Variants in PUM3 observed in about 807,000 individuals in gnomAD.
PUM3 encodes the protein pumilio RNA binding family member 3, also known as pumilio homolog 3.
A neutral mutation model predicts 84.0 loss-of-function variants in PUM3; 91 were observed. That is an observed-to-expected ratio of 1.08 (90% CI 0.91 to 1.29). The LOEUF (loss-of-function observed/expected upper bound fraction) is 1.29, where lower values mean the gene tolerates loss of function less well. Ranked by LOEUF, PUM3 falls within the 50% of genes most tolerant of loss-of-function variation. The pLI is 0.00. For missense variants in PUM3, 1,067 were observed against 767.5 expected (o/e 1.39, Z -4.61); for synonymous variants, 321 against 266.7 (o/e 1.20, Z -1.98).
At position 2,804,347 on chromosome 9, in the gene PUM3, T is replaced by G; in HGVS notation, c.1931A>C (p.Glu644Ala). The G allele has an allele frequency of 6.2e-7, 1 of 1,613,748 alleles. No individual in the cohort carries two copies. Among genetic ancestry groups the G allele is most frequent in the Non-Finnish European group, 8.5e-7 (1 of 1,179,928 alleles). ...STSKGIEILL[E>A]KLST ...TCTTTCCACCTATGTGCTCAGTTTT[T>G]CAAGTAGAATTTCTATTCCTTTGCT... Residue 644 changes from glutamate (E) to alanine (A), a missense_variant, in exon 18 of 18, where the codon GAA (glutamate) becomes GCA (alanine). Physicochemically the swap from Glu to Ala is moderately radical, Grantham distance 107. Transcript: ENST00000397885.
At position 2,825,391 on chromosome 9, in the gene PUM3, C is replaced by A. The variant is rs186823025; in HGVS notation, c.1036-576G>T. ...GACTAAGACCTCACCTATAAAATGA[C>A]CCTTTAGTAAAAAACATTTAATTTC... On this transcript the variant is annotated intron_variant, in intron 10 of 17. Coordinates refer to ENST00000397885, the MANE Select transcript of PUM3 (RefSeq NM_014878.5). Among the ~76,000 whole-genome samples, 5 of 152,300 alleles carry A rather than the reference C, an allele frequency of 3.3e-5. No individual in the cohort carries two copies. In the East Asian group the frequency reaches 7.7e-4, roughly 23 times the overall value.
chr9:2,811,106 T>C (rs1821359072), intron 15 of PUM3, among the ~76,000 whole-genome samples: 1 of 152,236 alleles, frequency 6.6e-6, no homozygotes, highest in South Asian at 2.1e-4. Flanking sequence ...CAGAAGCACC[T>C]TGGGCACTCA....
chr9:2,822,245 T>C (rs1815664496), intron 12 of PUM3, among the ~76,000 whole-genome samples: 1 of 152,174 alleles, frequency 6.6e-6, no homozygotes, highest in South Asian at 2.1e-4. Context: ...ATGAACACTG[T>C]CAACTACTTT....
chr9:2,828,750 A>T lies in PUM3; in HGVS notation c.881T>A (p.Val294Glu). Residue 294 changes from valine (V) to glutamate (E), a missense_variant, in exon 9 of 18, where the codon GTG (valine) becomes GAG (glutamate). Physicochemically the swap from Val to Glu is moderately radical, Grantham distance 121. Transcript: ENST00000397885. Reference protein sequence around the residue: ...KSADHRTLDKVLEVQPEKLEL... With the variant: ...KSADHRTLDKELEVQPEKLEL... ...TAATTTTTCTGGCTGTACCTCTAAC[A>T]CTTTGTCCAGAGTTCGGTGATCTGC... 6.2e-7 allele frequency: 1 copy of T among 1,606,030 alleles called. No individual in the cohort carries two copies. The highest frequency in any genetic ancestry group is 2.2e-5 in the East Asian group (1 of 44,810).
At chr9:2,827,255 G>C (rs981282078) in intron 9 of PUM3, 104 bp from the exon 10 acceptor site, 6 of 706,258 alleles carry the variant, frequency 8.5e-6, no homozygotes, top group Non-Finnish European at 1.4e-5. Context: ...CAAGTGAAAT[G>C]GTTTTACTGA....
chr9:2,817,201 T>C (rs1821487024), intron 13 of PUM3, among the ~76,000 whole-genome samples: 1 of 152,170 alleles, frequency 6.6e-6, no homozygotes, highest in Non-Finnish European at 1.5e-5. Flanking sequence ...TAAACATCCA[T>C]CACCAGGAAA....
intron 12 of PUM3, 103 bp from the exon 13 acceptor site, chr9:2,820,201 CAA>C (rs58442595): frequency 0.055 from 8,136 of 147,766 alleles, no homozygotes; most frequent in East Asian, 0.079. Flanking sequence ...AGACTCCGCT[CAA>C]AAAAAAAAAA....
chr9:2,840,895 C>T (rs1472259698), intron 1 of PUM3, among the ~76,000 whole-genome samples: 14 of 152,236 alleles, frequency 9.2e-5, no homozygotes, highest in African/African-American at 2.4e-4. Context: ...GAGTGCTAGG[C>T]GCACTTGTTG....
intron 3 of PUM3, among the ~76,000 whole-genome samples, chr9:2,834,379 T>C (rs1456430112): frequency 6.6e-6 from 1 of 152,208 alleles, no homozygotes; most frequent in African/African-American, 2.4e-5. Flanking sequence ...TCATTAATTC[T>C]TCTAACAGGA....
At chr9:2,837,543 A>C (rs1018974533) in intron 2 of PUM3, 142 bp from the exon 3 acceptor site, 2 of 605,614 alleles carry the variant, frequency 3.3e-6, no homozygotes, top group Admixed American at 3.3e-5. Flanking sequence ...TAGCCTTTTG[A>C]GTAGAACTGG....
Position 2,823,841 on chromosome 9 carries a change from A to G in PUM3, c.1135-7T>C. On this transcript the variant is annotated splice_region_variant and splice_polypyrimidine_tract_variant and intron_variant, in intron 11 of 17. Coordinates refer to ENST00000397885, the MANE Select transcript of PUM3 (RefSeq NM_014878.5). Reference sequence around the variant, plus strand: ...TCACAATCACTTTCCTGTCCTTAAAAAGGAAAGATTGTCTCACTGAATTTT... The same window carrying G: ...TCACAATCACTTTCCTGTCCTTAAAGAGGAAAGATTGTCTCACTGAATTTT... 1 of 1,504,170 alleles carries G rather than the reference A, an allele frequency of 6.6e-7. No homozygotes were observed. Among genetic ancestry groups the G allele is most frequent in the South Asian group, 1.3e-5 (1 of 78,872 alleles). The allele number at this position is 1,504,170 out of a possible 1,614,324, so 93.2% of individuals were successfully genotyped here.
In PUM3 at chr9:2,811,367, G is replaced by A. The variant is rs555132906; in HGVS notation, c.1629C>T (p.Asp543=). 7.1e-5 allele frequency: 115 copies of A among 1,613,788 alleles called. 1 individual carries two copies. The Middle Eastern group carries it at 1.2e-3, about 17-fold the overall frequency. The change falls in exon 15 of 18, where the codon GAC becomes GAT. Residue 543 remains aspartate (D), a synonymous_variant. Transcript: ENST00000397885. The part of the protein sequence containing the change: ...AATGLHPGGK[D]GELHIAEHPA... ...TGCTTTAATGGCACATTACCTCTCCGTCCTTGCCACCAGGATGCAGTCCTG... is the reference window on the plus strand; with the variant it reads ...TGCTTTAATGGCACATTACCTCTCCATCCTTGCCACCAGGATGCAGTCCTG...
At chr9:2,821,069 C>T (rs1821578442) in intron 12 of PUM3, among the ~76,000 whole-genome samples, 1 of 152,146 alleles carries the variant, frequency 6.6e-6, no homozygotes, top group African/African-American at 2.4e-5. Flanking sequence ...GAAACAATAA[C>T]GAAGTTGCTA....
intron 3 of PUM3, 103 bp downstream of exon 3, chr9:2,837,077 T>TTACCTGCC: frequency 1.0e-6 from 1 of 976,770 alleles, no homozygotes; most frequent in African/African-American, 1.6e-5. Context: ...TCCCAAAATG[T>TTACCTGCC]TACCTGCCAA....
chr9:2,829,709 C>G (rs1311223874), intron 8 of PUM3, 65 bp downstream of exon 8: 2 of 1,385,374 alleles, frequency 1.4e-6, no homozygotes, highest in Admixed American at 3.8e-5. Flanking sequence ...ATATAGGGCA[C>G]CGGAAGTTAA....
chr9:2,815,148 A>G (rs1259797854), intron 13 of PUM3, among the ~76,000 whole-genome samples: 1 of 152,246 alleles, frequency 6.6e-6, no homozygotes, highest in African/African-American at 2.4e-5. Context: ...TATTTAATTA[A>G]GGCTTTTAAA....
intron 12 of PUM3, among the ~76,000 whole-genome samples, chr9:2,821,240 C>G (rs1238112290): frequency 6.6e-6 from 1 of 151,904 alleles, no homozygotes; most frequent in Non-Finnish European, 1.5e-5. Context: ...GTCAGGAGAT[C>G]GAGACCATCC....
chr9:2,818,919 G>C (rs182968023), intron 13 of PUM3, among the ~76,000 whole-genome samples: 11 of 152,290 alleles, frequency 7.2e-5, no homozygotes, highest in Admixed American at 7.2e-4. Context: ...GCTACAAAGA[G>C]AGACCACAAC....
intron 2 of PUM3, 36 bp downstream of exon 2, chr9:2,838,390 T>G: frequency 4.2e-6 from 6 of 1,433,998 alleles, no homozygotes; most frequent in Non-Finnish European, 5.9e-6. Context: ...CCCCCAATTA[T>G]AACAGCCAAA....
Sources: allele counts gnomAD v4.1 joint callset (sites outside exome capture counted in the v4.1 genomes callset), GRCh38; gene constraint gnomAD v4.1.1; transcripts MANE v1.5; gene names NCBI Gene and HGNC (gene_info 2026-07-23, HGNC 2026-07-21).